The following MRPL32 variants were observed in gnomAD, a reference collection of about 807,000 sequenced individuals.
The protein encoded by MRPL32 is large ribosomal subunit protein bL32m.
MRPL32 carries 14 observed loss-of-function variants against 21.7 expected under a neutral mutation model. That is an observed-to-expected ratio of 0.64 (90% confidence interval 0.43 to 1.01). The LOEUF (loss-of-function observed/expected upper bound fraction) is 1.01, where lower values mean the gene tolerates loss of function less well. Among genes scored for constraint, MRPL32 ranks in the 50% least tolerant of loss-of-function variants. The probability of loss-of-function intolerance (pLI) is 0.00; values close to 1 mark genes in which losing one functional copy is unlikely to be tolerated. For missense variants in MRPL32, 211 were observed against 235.9 expected (o/e 0.89, Z 0.69); for synonymous variants, 83 against 87.7 (o/e 0.95, Z 0.30).
intron 1 of MRPL32, 32 bp from the exon 2 acceptor site, chr7:42,934,923 T>C: frequency 6.7e-7 from 1 of 1,497,212 alleles, no homozygotes; most frequent in Middle Eastern, 2.1e-4. Context: ...AGCTAGAAAC[T>C]AATTCTGTAT....
chr7:42,937,543 C>T lies in MRPL32; in HGVS notation c.534C>T (p.Asp178=). 1 of 1,612,784 alleles carries T rather than the reference C, an allele frequency of 6.2e-7. No individual in the cohort carries two copies. Among genetic ancestry groups the T allele is most frequent in the Non-Finnish European group, 8.5e-7 (1 of 1,179,306 alleles). The change falls in exon 3 of 3, where the codon GAC becomes GAT. Residue 178 remains aspartate, a synonymous_variant. Transcript: ENST00000223324. Reference sequence around the variant, plus strand: ...AGGGCAAGAGGATCATTGAACGAGACAGAAAGCGACCATCCTGGTTCACCC... The same window carrying T: ...AGGGCAAGAGGATCATTGAACGAGATAGAAAGCGACCATCCTGGTTCACCC... The part of the protein sequence containing the change: ...QDQGKRIIER[D]RKRPSWFTQN
chr7:42,935,562 A>G (rs1786410207), intron 2 of MRPL32: 1 of 153,554 alleles, frequency 6.5e-6, no homozygotes, highest in Admixed American at 6.5e-5. Context: ...TTATTTTTTT[A>G]TCATTTCCAA....
intron 2 of MRPL32, 180 bp from the exon 3 acceptor site, chr7:42,937,142 A>T (rs762513169): frequency 2.5e-5 from 38 of 1,490,610 alleles, no homozygotes; most frequent in Non-Finnish European, 3.3e-5. Context: ...TCTAATTCAA[A>T]CTCAGTGTTG....
intron 2 of MRPL32, 66 bp from the exon 3 acceptor site, chr7:42,937,256 T>C (rs763927784): frequency 4.3e-5 from 70 of 1,611,326 alleles, no homozygotes; most frequent in Non-Finnish European, 5.7e-5. Flanking sequence ...GCATTGCTCC[T>C]GTCAGTGGTT....
chr7:42,932,882 G>T (rs1161887721), intron 1 of MRPL32, among the ~76,000 whole-genome samples: 1 of 152,056 alleles, frequency 6.6e-6, no homozygotes, highest in Non-Finnish European at 1.5e-5. Context: ...GTGACTTTGG[G>T]CGTTTTAAAG....
chr7:42,933,473 C>A (rs767283), intron 1 of MRPL32, among the ~76,000 whole-genome samples: 2 of 148,594 alleles, frequency 1.3e-5, no homozygotes, highest in African/African-American at 5.0e-5. Flanking sequence ...CCCTCTCCCC[C>A]CTCTCCTCTT....
chr7:42,932,977 G>A (rs927112161), intron 1 of MRPL32, among the ~76,000 whole-genome samples: 6 of 152,004 alleles, frequency 3.9e-5, no homozygotes, highest in Non-Finnish European at 7.4e-5. Flanking sequence ...GTGATTAGCC[G>A]GCTGTGTCTG....
Position 42,935,023 on chromosome 7 carries a change from G to A in MRPL32, c.199G>A (p.Glu67Lys), listed in dbSNP as rs759033494. 6.2e-7 allele frequency: 1 copy of A among 1,614,050 alleles called. No homozygotes were observed. Among genetic ancestry groups the A allele is most frequent in the Non-Finnish European group, 8.5e-7 (1 of 1,179,970 alleles). The change falls in exon 2 of 3, where the codon GAG becomes AAG. Residue 67 changes from glutamate to lysine, a missense_variant. Glu to Lys is a moderately conservative substitution (Grantham distance 56). This residue lies in a region of MRPL32 where 130 missense variants were observed against 180.1 expected (regional missense o/e 0.72). Coordinates refer to ENST00000223324, the MANE Select transcript of MRPL32 (RefSeq NM_031903.3). ...AGCAAATGATACCAGTGGAAGTAAA[G>A]AGAATTCCAGCCTTTTGGACAGTAT... Reference protein sequence around the residue: ...EPANDTSGSKENSSLLDSIFW... With the variant: ...EPANDTSGSKKNSSLLDSIFW...
Position 42,937,463 on chromosome 7 carries a change from C to G in MRPL32, c.454C>G (p.Pro152Ala). 1 of 1,613,916 alleles carries G rather than the reference C, an allele frequency of 6.2e-7. No homozygotes were observed. Among genetic ancestry groups the G allele is most frequent in the South Asian group, 1.1e-5 (1 of 91,072 alleles). The change falls in exon 3 of 3, where the codon CCC becomes GCC. Residue 152 changes from proline (P) to alanine (A), a missense_variant. By Grantham distance (27) the Pro-to-Ala change is conservative. Around this residue, in one of 2 missense-constraint regions of MRPL32, gnomAD observed 130 missense variants for 180.1 expected, o/e 0.72. Coordinates refer to ENST00000223324, the MANE Select transcript of MRPL32 (RefSeq NM_031903.3). Reference sequence around the variant, plus strand: ...GCAAGAAGGGGGCCCTTTTAAGGCTCCCACCATAGAGACTGTGGTGCTGTA... The same window carrying G: ...GCAAGAAGGGGGCCCTTTTAAGGCTGCCACCATAGAGACTGTGGTGCTGTA... ...GKQEGGPFKA[P>A]TIETVVLYTG...
At chr7:42,934,403 C>G (rs1392777390) in intron 1 of MRPL32, among the ~76,000 whole-genome samples, 1 of 152,036 alleles carries the variant, frequency 6.6e-6, no homozygotes, top group African/African-American at 2.4e-5. Flanking sequence ...AAATGGTGAG[C>G]TGGCTCTTTT....
chr7:42,932,429 G>T lies in MRPL32; in HGVS notation c.43G>T (p.Ala15Ser). The T allele has an allele frequency of 6.2e-7, 1 of 1,611,838 alleles. No individual in the cohort carries two copies. The highest frequency in any genetic ancestry group is 8.5e-7 in the Non-Finnish European group (1 of 1,178,692). Residue 15 changes from alanine to serine, a missense_variant, in exon 1 of 3, where the codon GCG (alanine) becomes TCG (serine). Ala to Ser is a moderately conservative substitution (Grantham distance 99). Transcript: ENST00000223324. ...GGTCTTGGTGGTTTCGCCGTGGTCTGCGGCCCGGGGAGTGCTTCGAAACTA... is the reference window on the plus strand; with the variant it reads ...GGTCTTGGTGGTTTCGCCGTGGTCTTCGGCCCGGGGAGTGCTTCGAAACTA... ...MLVLVVSPWS[A>S]ARGVLRNYWE...
chr7:42,932,603 A>G, intron 1 of MRPL32, 87 bp downstream of exon 1: 10 of 1,416,072 alleles, frequency 7.1e-6, no homozygotes, highest in Non-Finnish European at 9.4e-6. Flanking sequence ...GTTCGCCCTC[A>G]GCCCCGGTTC....
rs765953298 is a variant in MRPL32 at position 42,935,019 on chromosome 7, T to C, written c.195T>C (p.Ser65=). 8.7e-6 allele frequency: 14 copies of C among 1,614,058 alleles called. No homozygotes were observed. The South Asian group carries it at 1.5e-4, about 18-fold the overall frequency. ...FTEPANDTSG[S]KENSSLLDSI... ...AGCCAGCAAATGATACCAGTGGAAGTAAAGAGAATTCCAGCCTTTTGGACA... is the reference window on the plus strand; with the variant it reads ...AGCCAGCAAATGATACCAGTGGAAGCAAAGAGAATTCCAGCCTTTTGGACA... Residue 65 remains serine, a synonymous_variant, in exon 2 of 3, where the codon AGT becomes AGC. Coordinates refer to ENST00000223324, the MANE Select transcript of MRPL32 (RefSeq NM_031903.3).
intron 2 of MRPL32, 157 bp downstream of exon 2, chr7:42,935,293 A>C: frequency 3.3e-6 from 2 of 611,006 alleles, no homozygotes; most frequent in Non-Finnish European, 2.8e-6. Context: ...TATATACATA[A>C]TGAGAAGGCT....
chr7:42,937,220 A>T, intron 2 of MRPL32, 102 bp from the exon 3 acceptor site: 1 of 1,604,114 alleles, frequency 6.2e-7, no homozygotes, highest in African/African-American at 1.3e-5. Flanking sequence ...ATGTAGCCTG[A>T]ACATCCTAAG....
At chr7:42,934,597 T>TA (rs764583708) in intron 1 of MRPL32, among the ~76,000 whole-genome samples, 1 of 152,218 alleles carries the variant, frequency 6.6e-6, no homozygotes, top group Non-Finnish European at 1.5e-5. Context: ...ATCAGGTACT[T>TA]ACTACCCGCC....
rs1786442908 is a variant in MRPL32, at chr7:42,937,389, A to G, written c.380A>G (p.Tyr127Cys). Reference sequence around the variant, plus strand: ...AAACATGTCCTTTGTGCCTACTGCTATGAAAAGGTGTGCAAGGAGACTGCA... The same window carrying G: ...AAACATGTCCTTTGTGCCTACTGCTGTGAAAAGGTGTGCAAGGAGACTGCA... ...KQKHVLCAYC[Y>C]EKVCKETAEI... The change falls in exon 3 of 3, where the codon TAT becomes TGT. Residue 127 changes from tyrosine to cysteine, a missense_variant. This residue lies in a region of MRPL32 where 130 missense variants were observed against 180.1 expected (regional missense o/e 0.72). Coordinates refer to ENST00000223324, the MANE Select transcript of MRPL32 (RefSeq NM_031903.3). The G allele has an allele frequency of 6.2e-6, 10 of 1,614,114 alleles. No homozygotes were observed. Among genetic ancestry groups the G allele is most frequent in the East Asian group, 2.2e-5 (1 of 44,902 alleles).
rs569183030 is a variant in MRPL32, at chr7:42,937,285, C to A, written c.313-37C>A. 3.6e-5 allele frequency: 58 copies of A among 1,612,334 alleles called. No individual in the cohort carries two copies. The East Asian group carries it at 1.1e-3, about 30-fold the overall frequency. On this transcript the variant is annotated intron_variant, in intron 2 of 2. Transcript: ENST00000223324. Reference sequence around the variant, plus strand: ...AGTGGTTATTTGTTCGTTATATTGCCTCATGTTAAAATACGTTTTTGTTTA... The same window carrying A: ...AGTGGTTATTTGTTCGTTATATTGCATCATGTTAAAATACGTTTTTGTTTA...
chr7:42,934,752 A>C (rs1786397558), intron 1 of MRPL32, among the ~76,000 whole-genome samples: 1 of 152,224 alleles, frequency 6.6e-6, no homozygotes, highest in African/African-American at 2.4e-5. Flanking sequence ...CTAAGAAAAA[A>C]TTCTGTGTTC....
Sources: allele counts gnomAD v4.1 joint callset (sites outside exome capture counted in the v4.1 genomes callset), GRCh38; gene constraint gnomAD v4.1.1; regional missense constraint gnomAD v4.1.1; transcripts MANE v1.5; gene names NCBI Gene and HGNC (gene_info 2026-07-23, HGNC 2026-07-21).